The following SOS2 variants were observed in gnomAD, a reference collection of about 807,000 sequenced individuals.
The protein encoded by SOS2 is son of sevenless homolog 2.
A neutral mutation model predicts 148.2 loss-of-function variants in SOS2; 65 were observed. The ratio of observed to expected loss-of-function variants is 0.44; its 90% confidence interval spans 0.36 to 0.54. SOS2 has a LOEUF of 0.54. SOS2 is among the 20% of genes least tolerant of loss of function. The pLI is 0.00. For missense variants in SOS2, 1,341 were observed against 1,590.2 expected, an observed-to-expected ratio of 0.84 and a Z score of 2.67; for synonymous variants, 539 against 537.1, an observed-to-expected ratio of 1.00 and a Z score of -0.05.
intron 6 of SOS2, 49 bp downstream of exon 6, chr14:50,182,414 T>C (rs1450167853): frequency 6.4e-7 from 1 of 1,553,246 alleles, no homozygotes; most frequent in South Asian, 1.1e-5. Flanking sequence ...AGTTTCTTAC[T>C]ACAGCATTTA....
chr14:50,214,021 T>C (rs536463035), intron 1 of SOS2, among the ~76,000 whole-genome samples: 30 of 152,162 alleles, frequency 2.0e-4, no homozygotes, highest in African/African-American at 5.1e-4. Flanking sequence ...CTTAGAAATA[T>C]AGAAGTAAAT....
intron 1 of SOS2, among the ~76,000 whole-genome samples, chr14:50,212,396 C>T (rs528165867): frequency 6.2e-4 from 95 of 152,360 alleles, no homozygotes; most frequent in African/African-American, 2.2e-3. Context: ...ATCGCTTGAA[C>T]CCAGGAGGCG....
intron 8 of SOS2, among the ~76,000 whole-genome samples, chr14:50,167,063 C>T (rs1429818733): frequency 6.6e-6 from 1 of 151,810 alleles, no homozygotes. Context: ...AACCTAAAAA[C>T]CCCAAAACAA....
Position 50,159,047 on chromosome 14 carries a change from G to A in SOS2, c.1852+384C>T, listed in dbSNP as rs113559458. Among the ~76,000 whole-genome samples, 78 of 152,052 alleles carry A rather than the reference G, an allele frequency of 5.1e-4. 2 individuals carry two copies. The highest frequency in any genetic ancestry group is 1.8e-3 in the African/African-American group (74 of 41,480). ...AAAATAAAGAAAAAAAAAATTAGCC[G>A]GGCATTGTTGCGGGCGCCTATAGTC... On this transcript the variant is annotated intron_variant, in intron 10 of 22. Coordinates refer to ENST00000216373, the MANE Select transcript of SOS2 (RefSeq NM_006939.4).
At chr14:50,144,100 TAATC>T (rs899654307) in intron 16 of SOS2, among the ~76,000 whole-genome samples, 3 of 152,092 alleles carry the variant, frequency 2.0e-5, no homozygotes, top group Non-Finnish European at 2.9e-5. Flanking sequence ...TCTAGGGAAA[TAATC>T]AAGCTCTTAA....
intron 5 of SOS2, among the ~76,000 whole-genome samples, chr14:50,183,202 C>A (rs1232694163): frequency 6.6e-6 from 1 of 152,096 alleles, no homozygotes. Context: ...CCCCCTTACA[C>A]CCATGACCCT....
Position 50,143,418 on chromosome 14 carries a change from T to A in SOS2, c.2667+1752A>T, listed in dbSNP as rs141697654. Among the ~76,000 whole-genome samples the A allele has an allele frequency of 2.8e-3, 426 of 151,060 alleles. 6 individuals are homozygous for A. Among genetic ancestry groups the A allele is most frequent in the African/African-American group, 1.0e-2 (410 of 41,202 alleles). On this transcript the variant is annotated intron_variant, in intron 16 of 22. Coordinates refer to ENST00000216373, the MANE Select transcript of SOS2 (RefSeq NM_006939.4). Reference sequence around the variant, plus strand: ...AATACATAAATCATAAAGTACCCAATAAATACATATTCAACCTCACTAGTT... The same window carrying A: ...AATACATAAATCATAAAGTACCCAAAAAATACATATTCAACCTCACTAGTT...
chr14:50,148,174 G>A (rs1884550957), intron 14 of SOS2, among the ~76,000 whole-genome samples: 1 of 152,252 alleles, frequency 6.6e-6, no homozygotes, highest in South Asian at 2.1e-4. Context: ...CACTTTGGGA[G>A]GCTGAGGTGG....
chr14:50,223,832 G>A (rs959986900), intron 1 of SOS2, among the ~76,000 whole-genome samples: 5 of 152,000 alleles, frequency 3.3e-5, no homozygotes, highest in Non-Finnish European at 7.4e-5. Context: ...CATCCTGGGT[G>A]ACAGAGTGCG....
chr14:50,221,967 G>A (rs1250822220), intron 1 of SOS2, among the ~76,000 whole-genome samples: 1 of 151,962 alleles, frequency 6.6e-6, no homozygotes, highest in African/African-American at 2.4e-5. Context: ...TGCGATTAAA[G>A]ACTTAAATCT....
intron 14 of SOS2, among the ~76,000 whole-genome samples, chr14:50,148,347 T>C (rs992802732): frequency 1.3e-5 from 2 of 149,374 alleles, no homozygotes; most frequent in Non-Finnish European, 2.9e-5. Flanking sequence ...GAGGCACAGG[T>C]TGCAGTGAGC....
At chr14:50,135,750 T>C (rs771922947) in intron 18 of SOS2, among the ~76,000 whole-genome samples, 9 of 139,394 alleles carry the variant, frequency 6.5e-5, no homozygotes, top group African/African-American at 1.9e-4. Context: ...TTTTACAAAA[T>C]ACAAATTTTA....
chr14:50,153,648 T>C (rs1384687915), intron 12 of SOS2, among the ~76,000 whole-genome samples: 1 of 152,202 alleles, frequency 6.6e-6, no homozygotes, highest in African/African-American at 2.4e-5. Context: ...ATTTTGCTCT[T>C]GTTGCCCAGG....
intron 21 of SOS2, among the ~76,000 whole-genome samples, chr14:50,120,946 G>A (rs1883485614): frequency 6.6e-6 from 1 of 151,872 alleles, no homozygotes; most frequent in Admixed American, 6.6e-5. Context: ...CACCATGTTG[G>A]TCAGGCTGGT....
chr14:50,219,554 A>T (rs1407920980), intron 1 of SOS2, among the ~76,000 whole-genome samples: 2 of 152,182 alleles, frequency 1.3e-5, no homozygotes, highest in East Asian at 3.8e-4. Context: ...GGAGAATTAC[A>T]GTCAAGAGGA....
chr14:50,200,944 T>G lies in SOS2; in HGVS notation c.345+9A>C, dbSNP rs989066614. On this transcript the variant is annotated intron_variant, in intron 3 of 22. Transcript: ENST00000216373. ...AACACCCCCCAACTAATGTTTAATC[T>G]TTTGTTACCTTCAACGAAGGATGGA... The G allele has an allele frequency of 3.7e-6, 6 of 1,613,192 alleles. No individual in the cohort carries two copies. Among genetic ancestry groups the G allele is most frequent in the Non-Finnish European group, 4.2e-6 (5 of 1,179,456 alleles).
At chr14:50,176,587 C>T (rs1885530041) in intron 7 of SOS2, among the ~76,000 whole-genome samples, 1 of 152,202 alleles carries the variant, frequency 6.6e-6, no homozygotes, top group Non-Finnish European at 1.5e-5. Flanking sequence ...AAACATTATG[C>T]TTATGCTTTA....
chr14:50,171,588 G>A (rs1458226857), intron 8 of SOS2, among the ~76,000 whole-genome samples: 2 of 150,972 alleles, frequency 1.3e-5, no homozygotes, highest in African/African-American at 4.9e-5. Flanking sequence ...GGAGGCTGAG[G>A]CAGAAGAACT....
In SOS2 at chr14:50,130,563, G is replaced by A. The variant is rs1442962879; in HGVS notation, c.3275C>T (p.Pro1092Leu). 9.3e-6 allele frequency: 15 copies of A among 1,613,740 alleles called. 1 individual carries two copies. The highest frequency in any genetic ancestry group is 3.3e-4 in the Middle Eastern group (2 of 6,060). ...APTSPNTPSTPPVSASSDLSV... is the reference protein window; with the variant it reads ...APTSPNTPSTLPVSASSDLSV... ...AAGGTCTGAAGAAGCAGATACTGGT[G>A]GAGTAGATGGTGTATTTGGAGAGGT... The change falls in exon 20 of 23, where the codon CCA becomes CTA. Residue 1092 changes from proline (P) to leucine (L), a missense_variant. This residue lies in a region of SOS2 where 354 missense variants were observed against 347.7 expected (regional missense o/e 1.02). Coordinates refer to ENST00000216373, the MANE Select transcript of SOS2 (RefSeq NM_006939.4).
Sources: allele counts gnomAD v4.1 joint callset (sites outside exome capture counted in the v4.1 genomes callset), GRCh38; gene constraint gnomAD v4.1.1; regional missense constraint gnomAD v4.1.1; transcripts MANE v1.5; gene names NCBI Gene and HGNC (gene_info 2026-07-23, HGNC 2026-07-21).